Variants in SMYD3 observed in about 807,000 individuals in gnomAD.
SMYD3 encodes SET and MYND domain containing 3, also known as histone-lysine N-methyltransferase SMYD3.
In SMYD3, 36 loss-of-function variants were observed where a neutral mutation model predicts 57.7. The observed-to-expected ratio is 0.62, with a 90% CI of 0.48 to 0.82. The LOEUF (loss-of-function observed/expected upper bound fraction) is 0.82, where lower values mean the gene tolerates loss of function less well. Ranked by LOEUF, SMYD3 falls within the 40% of genes least tolerant of loss-of-function variation. The pLI is 0.00. For missense variants in SMYD3, 515 were observed against 538.8 expected (o/e 0.96, Z 0.44); for synonymous variants, 211 against 195.0 (o/e 1.08, Z -0.68).
At chr1:246,478,067 A>G (rs1422197990) in intron 1 of SMYD3, among the ~76,000 whole-genome samples, 1 of 152,046 alleles carries the variant, frequency 6.6e-6, no homozygotes, top group Non-Finnish European at 1.5e-5. Flanking sequence ...ATACTAACAA[A>G]CATCTGTTGA....
intron 5 of SMYD3, among the ~76,000 whole-genome samples, chr1:246,199,892 T>C (rs1390715256): frequency 1.3e-5 from 2 of 151,988 alleles, no homozygotes; most frequent in Non-Finnish European, 2.9e-5. Context: ...ATAGAGAAGA[T>C]AGAGAACAGT....
intron 5 of SMYD3, among the ~76,000 whole-genome samples, chr1:246,056,213 A>C (rs2060148670): frequency 6.6e-6 from 1 of 152,154 alleles, no homozygotes; most frequent in Non-Finnish European, 1.5e-5. Context: ...AGGGGAAAAA[A>C]AGACACTAGC....
At chr1:245,856,439 C>T (rs1439699034) in intron 10 of SMYD3, among the ~76,000 whole-genome samples, 4 of 152,212 alleles carry the variant, frequency 2.6e-5, no homozygotes, top group Non-Finnish European at 5.9e-5. Flanking sequence ...ACACAGCACA[C>T]ACTTAAAGAG....
intron 2 of SMYD3, among the ~76,000 whole-genome samples, chr1:246,342,988 G>A (rs185500650): frequency 1.4e-4 from 21 of 151,976 alleles, no homozygotes; most frequent in Admixed American, 2.0e-4. Flanking sequence ...GTTCTAATTC[G>A]TGCTACATTT....
chr1:246,048,615 A>G (rs193260136), intron 5 of SMYD3, among the ~76,000 whole-genome samples: 1 of 152,296 alleles, frequency 6.6e-6, no homozygotes, highest in Admixed American at 6.5e-5. Flanking sequence ...AGAGGATGGA[A>G]GCCCGACAGC....
intron 5 of SMYD3, among the ~76,000 whole-genome samples, chr1:246,195,866 G>A (rs1236855406): frequency 6.6e-6 from 1 of 152,140 alleles, no homozygotes; most frequent in African/African-American, 2.4e-5. Context: ...TAACCAAAAG[G>A]GGTCAGAGCC....
intron 2 of SMYD3, among the ~76,000 whole-genome samples, chr1:246,351,640 G>A (rs895032669): frequency 4.6e-5 from 7 of 152,144 alleles, no homozygotes; most frequent in African/African-American, 1.4e-4. Flanking sequence ...TACATATGTC[G>A]ATGTGTACGC....
intron 5 of SMYD3, among the ~76,000 whole-genome samples, chr1:246,204,915 A>T (rs1463087213): frequency 6.6e-6 from 1 of 152,228 alleles, no homozygotes; most frequent in Non-Finnish European, 1.5e-5. Context: ...CTATTCTAAC[A>T]TAACTTCATT....
chr1:245,824,223 T>C lies in SMYD3; in HGVS notation c.1076+34273A>G, dbSNP rs200685557. Reference sequence around the variant, plus strand: ...CCCTCAAAATTATCTTTGCACACAGTTGGAGGATGACCAAAATATAGGTTG... The same window carrying C: ...CCCTCAAAATTATCTTTGCACACAGCTGGAGGATGACCAAAATATAGGTTG... On this transcript the variant is annotated intron_variant, in intron 10 of 11. Transcript: ENST00000490107. 8.5e-5 allele frequency among the ~76,000 whole-genome samples: 13 copies of C among 152,284 alleles called. No homozygotes were observed. The East Asian group carries it at 2.1e-3, about 25-fold the overall frequency.
Position 245,845,444 on chromosome 1 carries a change from G to A in SMYD3, c.1076+13052C>T, listed in dbSNP as rs190034853. Reference sequence around the variant, plus strand: ...ATTCTGGCTATATTACTTAATGCCTGTAGCCAGAAGGAGATAGCACACAGG... The same window carrying A: ...ATTCTGGCTATATTACTTAATGCCTATAGCCAGAAGGAGATAGCACACAGG... On this transcript the variant is annotated intron_variant, in intron 10 of 11. Transcript: ENST00000490107. 3.9e-5 allele frequency among the ~76,000 whole-genome samples: 6 copies of A among 152,320 alleles called. No individual in the cohort carries two copies. The East Asian group carries it at 1.2e-3, about 29-fold the overall frequency.
intron 10 of SMYD3, among the ~76,000 whole-genome samples, chr1:245,776,098 C>G (rs576800732): frequency 6.6e-6 from 1 of 152,160 alleles, no homozygotes; most frequent in Non-Finnish European, 1.5e-5. Context: ...CCACGAAGAC[C>G]GTAAGAAAGT....
At chr1:246,358,815 G>A (rs967446290) in intron 1 of SMYD3, among the ~76,000 whole-genome samples, 14 of 152,102 alleles carry the variant, frequency 9.2e-5, no homozygotes, top group African/African-American at 2.7e-4. Flanking sequence ...CAGCAAAAGC[G>A]GTGCTAAGCA....
At chr1:246,204,430 G>C (rs565668936) in intron 5 of SMYD3, among the ~76,000 whole-genome samples, 9 of 152,274 alleles carry the variant, frequency 5.9e-5, no homozygotes, top group African/African-American at 2.2e-4. Context: ...TATATTTCCA[G>C]TGCTGAGCAC....
chr1:245,782,923 G>A (rs574327224), intron 10 of SMYD3, among the ~76,000 whole-genome samples: 1 of 152,294 alleles, frequency 6.6e-6, no homozygotes, highest in South Asian at 2.1e-4. Context: ...AGAGTGACAA[G>A]GACCCTTCAC....
Position 246,330,508 on chromosome 1 carries a change from C to T in SMYD3, c.366G>A (p.Lys122=). ...ACTCCAGATCATAAAATGAGTAAAG[C>T]TTCTCTGATTCTGAAGGTGCTCCAT... ...LMDGAPSESE[K]LYSFYDLESN... is the part of the protein sequence containing the mutation. Residue 122 remains lysine (K), a synonymous_variant, in exon 4 of 12, where the codon AAG becomes AAA. Coordinates refer to ENST00000490107, the MANE Select transcript of SMYD3 (RefSeq NM_001167740.2). The T allele has an allele frequency of 1.9e-6, 3 of 1,593,468 alleles. No homozygotes were observed. Among genetic ancestry groups the T allele is most frequent in the East Asian group, 2.3e-5 (1 of 44,320 alleles).
intron 10 of SMYD3, among the ~76,000 whole-genome samples, chr1:245,831,905 T>C (rs1225124507): frequency 2.6e-5 from 4 of 152,232 alleles, no homozygotes; most frequent in African/African-American, 7.2e-5. Flanking sequence ...AATTGGAAAC[T>C]TTGCCGGACA....
intron 1 of SMYD3, among the ~76,000 whole-genome samples, chr1:246,489,502 G>A (rs1572051549): frequency 6.6e-6 from 1 of 152,284 alleles, no homozygotes; most frequent in South Asian, 2.1e-4. Context: ...CAGGGTTTAA[G>A]AGGCAGAAGG....
At chr1:246,055,211 G>A (rs2060131490) in intron 5 of SMYD3, among the ~76,000 whole-genome samples, 1 of 151,966 alleles carries the variant, frequency 6.6e-6, no homozygotes, top group South Asian at 2.1e-4. Context: ...TGTTGGCAAG[G>A]ATGTAGAGAA....
chr1:246,043,964 T>C (rs2059920295), intron 5 of SMYD3, among the ~76,000 whole-genome samples: 1 of 152,184 alleles, frequency 6.6e-6, no homozygotes, highest in African/African-American at 2.4e-5. Context: ...TTTAGGAATA[T>C]TCAGGACTCG....
Sources: allele counts gnomAD v4.1 joint callset (sites outside exome capture counted in the v4.1 genomes callset), GRCh38; gene constraint gnomAD v4.1.1; transcripts MANE v1.5; gene names NCBI Gene and HGNC (gene_info 2026-07-23, HGNC 2026-07-21).